The following DLG2 variants were observed in gnomAD, a reference collection of about 807,000 sequenced individuals.
DLG2 encodes discs large MAGUK scaffold protein 2.
In DLG2, 45 loss-of-function variants were observed where a neutral mutation model predicts 132.5. The ratio of observed to expected loss-of-function variants is 0.34; its 90% CI spans 0.27 to 0.44. DLG2 has a LOEUF of 0.44. Among genes scored for constraint, DLG2 ranks in the 20% least tolerant of loss-of-function variants. DLG2 has a pLI of 1.00. For synonymous variants in DLG2, 424 were observed against 419.6 expected (o/e 1.01, Z -0.13); for missense variants, 1,045 against 1,196.9 (o/e 0.87, Z 1.87).
In DLG2 at chr11:84,344,723, C is replaced by T. The variant is rs1441130612; in HGVS notation, c.520-93432G>A. 3.9e-5 allele frequency among the ~76,000 whole-genome samples: 6 copies of T among 152,188 alleles called. No individual in the cohort carries two copies. In the South Asian group the frequency reaches 6.2e-4, roughly 16 times the overall value. On this transcript the variant is annotated intron_variant, in intron 7 of 27. Transcript: ENST00000376104. The stretch of plus-strand genomic sequence containing the variant: ...CCCCCAGTGACTCTTTTCCAACTAA[C>T]GTTCCCTGTCTGAAGAATATAGATA...
intron 7 of DLG2, among the ~76,000 whole-genome samples, chr11:84,512,089 G>A (rs762863853): frequency 2.0e-5 from 3 of 152,130 alleles, no homozygotes; most frequent in African/African-American, 4.8e-5. Context: ...CAGCCAAGGC[G>A]AGCAAAGTTT....
At chr11:84,415,108 A>T (rs1005030235) in intron 7 of DLG2, among the ~76,000 whole-genome samples, 1 of 152,194 alleles carries the variant, frequency 6.6e-6, no homozygotes, top group Non-Finnish European at 1.5e-5. Flanking sequence ...TATTCCCCTA[A>T]AGGCAAACAG....
At chr11:85,607,260 C>T (rs1302535604) in intron 2 of DLG2, among the ~76,000 whole-genome samples, 2 of 152,144 alleles carry the variant, frequency 1.3e-5, no homozygotes, top group African/African-American at 4.8e-5. Flanking sequence ...TAACAAACCC[C>T]GACTCTTCAG....
chr11:85,154,713 C>G, intron 4 of DLG2, 62 bp from the exon 5 acceptor site: 2 of 815,222 alleles, frequency 2.5e-6, no homozygotes, highest in Non-Finnish European at 3.9e-6. Flanking sequence ...ATATTGTTTT[C>G]AAACTTTGAA....
At chr11:84,547,604 A>G (rs2099392827) in intron 6 of DLG2, among the ~76,000 whole-genome samples, 1 of 152,204 alleles carries the variant, frequency 6.6e-6, no homozygotes, top group Non-Finnish European at 1.5e-5. Flanking sequence ...ATACTGCTCA[A>G]CCTTCAAAAC....
intron 3 of DLG2, among the ~76,000 whole-genome samples, chr11:85,484,838 C>A (rs1159773948): frequency 1.3e-5 from 2 of 148,856 alleles, no homozygotes; most frequent in Non-Finnish European, 1.5e-5. Flanking sequence ...TTGACCCAGC[C>A]ATCCCATTAC....
Position 83,992,612 on chromosome 11 carries a change from A to T in DLG2, c.920-11970T>A, listed in dbSNP as rs762808304. ...TTTTAGGCGGAGTGCAGTCTCCACAAGGAAAAGAACCATGACTGTAGAACC... is the reference window on the plus strand; with the variant it reads ...TTTTAGGCGGAGTGCAGTCTCCACATGGAAAAGAACCATGACTGTAGAACC... On this transcript the variant is annotated intron_variant, in intron 11 of 27. Transcript: ENST00000376104. Among the ~76,000 whole-genome samples the T allele has an allele frequency of 7.2e-5, 11 of 152,272 alleles. No homozygotes were observed. In the East Asian group the frequency reaches 2.1e-3, roughly 29 times the overall value.
At chr11:85,517,859 G>C (rs932375975) in intron 3 of DLG2, among the ~76,000 whole-genome samples, 1 of 152,118 alleles carries the variant, frequency 6.6e-6, no homozygotes, top group Non-Finnish European at 1.5e-5. Flanking sequence ...ATGGAGGCAG[G>C]TCTTTCCTGT....
At chr11:84,415,202 T>C (rs2154460530) in intron 7 of DLG2, among the ~76,000 whole-genome samples, 1 of 152,322 alleles carries the variant, frequency 6.6e-6, no homozygotes, top group Admixed American at 6.5e-5. Context: ...ATGTGATTCT[T>C]ATTAGTAAGA....
At chr11:84,295,643 C>T (rs1411090029) in intron 7 of DLG2, among the ~76,000 whole-genome samples, 2 of 152,124 alleles carry the variant, frequency 1.3e-5, no homozygotes, top group African/African-American at 2.4e-5. Flanking sequence ...TCTGCGAGTT[C>T]ACTAGGGTGA....
chr11:85,185,797 T>C (rs944945814), intron 4 of DLG2, among the ~76,000 whole-genome samples: 11 of 151,884 alleles, frequency 7.2e-5, no homozygotes, highest in Non-Finnish European at 1.5e-4. Flanking sequence ...TATTAAGCAT[T>C]ATCTGTATGT....
rs185553558 is a variant in DLG2, at chr11:85,127,313, T to C, written c.283-15578A>G. 1.1e-3 allele frequency among the ~76,000 whole-genome samples: 155 copies of C among 143,014 alleles called. 2 individuals carry two copies. The highest frequency in any genetic ancestry group is 2.2e-4 in the East Asian group (1 of 4,498). 93.8% of individuals were successfully genotyped at this position (143,014 alleles called of 152,430 possible). ...ACCTGCCAGAGCTTTGCCTAAAACA[T>C]TCTCCCAACCCCATTGTGGCTTTCA... On this transcript the variant is annotated intron_variant, in intron 5 of 27. Coordinates refer to ENST00000376104, the MANE Select transcript of DLG2 (RefSeq NM_001142699.3).
intron 3 of DLG2, among the ~76,000 whole-genome samples, chr11:85,350,058 T>A (rs1458461095): frequency 6.6e-6 from 1 of 152,216 alleles, no homozygotes; most frequent in Non-Finnish European, 1.5e-5. Context: ...TTTCTCAACA[T>A]CCTGTCCAGC....
At chr11:84,550,125 C>T (rs997692954) in intron 6 of DLG2, among the ~76,000 whole-genome samples, 115 of 151,490 alleles carry the variant, frequency 7.6e-4, no homozygotes, top group African/African-American at 2.7e-3. Flanking sequence ...TACACACACA[C>T]ACACACACAC....
chr11:83,895,618 C>T (rs543346815), intron 15 of DLG2, among the ~76,000 whole-genome samples: 1 of 152,104 alleles, frequency 6.6e-6, no homozygotes, highest in African/African-American at 2.4e-5. Context: ...GGCAAAACTC[C>T]AAAGGAAGCA....
chr11:85,368,338 C>T (rs1337300537), intron 3 of DLG2, among the ~76,000 whole-genome samples: 1 of 152,198 alleles, frequency 6.6e-6, no homozygotes, highest in Non-Finnish European at 1.5e-5. Context: ...CCTGTGCTAG[C>T]CATCACTTCT....
intron 3 of DLG2, among the ~76,000 whole-genome samples, chr11:85,533,338 A>G (rs1725324948): frequency 6.6e-6 from 1 of 151,556 alleles, no homozygotes; most frequent in Non-Finnish European, 1.5e-5. Flanking sequence ...AAGGTGTTTT[A>G]TTGTGATTTT....
intron 6 of DLG2, among the ~76,000 whole-genome samples, chr11:84,554,534 G>T (rs2099408083): frequency 6.6e-6 from 1 of 152,080 alleles, no homozygotes; most frequent in Admixed American, 6.5e-5. Context: ...ATCACCTGAG[G>T]TCGGGAGTTC....
At chr11:84,786,175 G>A (rs1598112993) in intron 6 of DLG2, among the ~76,000 whole-genome samples, 1 of 152,026 alleles carries the variant, frequency 6.6e-6, no homozygotes. Context: ...CATAGAAGAA[G>A]TTTGGTTTTT....
Sources: gnomAD v4.1 joint callset for allele counts (sites outside exome capture counted in the v4.1 genomes callset) on GRCh38, gnomAD v4.1.1 for gene constraint, MANE v1.5 for transcripts, NCBI Gene and HGNC (gene_info 2026-07-23, HGNC 2026-07-21) for gene names.